Variants in KCNIP4 observed in about 807,000 individuals in gnomAD.
The protein encoded by KCNIP4 is Kv channel-interacting protein 4.
A neutral mutation model predicts 34.0 loss-of-function variants in KCNIP4; 12 were observed. The ratio of observed to expected loss-of-function variants is 0.35; its 90% CI spans 0.23 to 0.57. The LOEUF (loss-of-function observed/expected upper bound fraction) is 0.57, where lower values mean the gene tolerates loss of function less well. Among genes scored for constraint, KCNIP4 ranks in the 20% least tolerant of loss-of-function variants. The pLI is 0.83. For missense variants in KCNIP4, 238 were observed against 311.7 expected (o/e 0.76, Z 1.78); for synonymous variants, 124 against 102.2 (o/e 1.21, Z -1.29).
chr4:21,423,363 C>T (rs937546386), intron 1 of KCNIP4, among the ~76,000 whole-genome samples: 3 of 152,186 alleles, frequency 2.0e-5, no homozygotes, highest in Non-Finnish European at 4.4e-5. Flanking sequence ...CAAGCGAGAA[C>T]GTGAGTTCAC....
intron 3 of KCNIP4, among the ~76,000 whole-genome samples, chr4:20,798,096 C>CTTTTTTTTTTTTTTTTTTTTTTTTT: frequency 6.6e-6 from 1 of 152,196 alleles, no homozygotes; most frequent in East Asian, 1.9e-4. Context: ...ATATTTATTT[C>CTTTTTTTTTTTTTTTTTTTTTTTTT]TGAACACATT....
At chr4:21,515,512 G>C (rs184848006) in intron 1 of KCNIP4, among the ~76,000 whole-genome samples, 1 of 152,046 alleles carries the variant, frequency 6.6e-6, no homozygotes, top group Admixed American at 6.6e-5. Context: ...CGTTGCAGGC[G>C]CCTGTAGTCC....
intron 1 of KCNIP4, among the ~76,000 whole-genome samples, chr4:20,950,705 T>C (rs1054696154): frequency 1.3e-5 from 2 of 152,088 alleles, no homozygotes; most frequent in Non-Finnish European, 2.9e-5. Flanking sequence ...AATGAGATTA[T>C]AGCCTCTGAA....
intron 1 of KCNIP4, among the ~76,000 whole-genome samples, chr4:21,133,025 A>T (rs1751202860): frequency 6.6e-6 from 1 of 152,044 alleles, no homozygotes; most frequent in South Asian, 2.1e-4. Flanking sequence ...AAAAAAAAAA[A>T]AAATGTTTTG....
intron 3 of KCNIP4, among the ~76,000 whole-genome samples, chr4:20,805,298 A>C (rs1435014445): frequency 6.8e-6 from 1 of 147,284 alleles, no homozygotes; most frequent in East Asian, 2.0e-4. Flanking sequence ...GGATTCCCAA[A>C]GTGCTAGTAT....
At chr4:20,768,291 AT>A (rs1486029846) in intron 3 of KCNIP4, among the ~76,000 whole-genome samples, 2 of 152,168 alleles carry the variant, frequency 1.3e-5, no homozygotes, top group Non-Finnish European at 2.9e-5. Flanking sequence ...TTGGGCCTAC[AT>A]TTTTAGAACT....
chr4:21,315,423 T>C (rs1713633722), intron 1 of KCNIP4: 1 of 152,284 alleles, frequency 6.6e-6, no homozygotes. Context: ...ATATAATACA[T>C]ATACAACGCA....
chr4:21,433,362 G>A (rs73105809), intron 1 of KCNIP4, among the ~76,000 whole-genome samples: 3,339 of 152,234 alleles, frequency 0.022, 112 homozygotes, highest in African/African-American at 0.075. Flanking sequence ...AGAACTTTAG[G>A]AGGCCAAGGT....
In KCNIP4 at chr4:21,373,725, G is replaced by A. The variant is rs189207735; in HGVS notation, c.62-491016C>T. Among the ~76,000 whole-genome samples the A allele has an allele frequency of 1.2e-3, 179 of 146,942 alleles. 24 individuals carry two copies. Among genetic ancestry groups the A allele is most frequent in the African/African-American group, 4.6e-3 (169 of 36,714 alleles). ...TTATTTATTTATTTATTTATTTTGT[G>A]ATGGAGTTTCACTCTTGTTGCTCAT... On this transcript the variant is annotated intron_variant, in intron 1 of 8. Coordinates refer to ENST00000382152, the MANE Select transcript of KCNIP4 (RefSeq NM_025221.6).
intron 1 of KCNIP4, among the ~76,000 whole-genome samples, chr4:20,971,551 A>G (rs1734953977): frequency 6.6e-6 from 1 of 152,164 alleles, no homozygotes; most frequent in African/African-American, 2.4e-5. Flanking sequence ...CAATAGCATT[A>G]TGTCTAAAAA....
chr4:20,789,007 A>T (rs569842711), intron 3 of KCNIP4, among the ~76,000 whole-genome samples: 19 of 152,230 alleles, frequency 1.2e-4, no homozygotes, highest in African/African-American at 4.3e-4. Context: ...TCATTTCCAC[A>T]TTAAATTCTC....
chr4:21,890,351 T>C (rs1452763679), intron 1 of KCNIP4, among the ~76,000 whole-genome samples: 1 of 152,170 alleles, frequency 6.6e-6, no homozygotes, highest in East Asian at 1.9e-4. Context: ...TTCTGGAATA[T>C]GCTCTAACTC....
rs1299027602 is a variant in KCNIP4 at position 21,189,757 on chromosome 4, AATTAC to A, written c.62-307053_62-307049del. ...ATGACCATAGAAATTACATTTTAGT[AATTAC>A]TCAGATTTATAAAATCATTTTTCAA... On this transcript the variant is annotated intron_variant, in intron 1 of 8. Transcript: ENST00000382152. 9.2e-5 allele frequency among the ~76,000 whole-genome samples: 14 copies of A among 152,350 alleles called. No individual in the cohort carries two copies. In the South Asian group the frequency reaches 2.5e-3, roughly 27 times the overall value.
intron 1 of KCNIP4, among the ~76,000 whole-genome samples, chr4:21,796,752 C>T (rs1234965728): frequency 6.6e-6 from 1 of 152,130 alleles, no homozygotes; most frequent in African/African-American, 2.4e-5. Context: ...GAATAATAAA[C>T]ATTCAGGATG....
At chr4:21,185,004 C>G (rs1046842270) in intron 1 of KCNIP4, among the ~76,000 whole-genome samples, 2 of 152,000 alleles carry the variant, frequency 1.3e-5, no homozygotes, top group East Asian at 3.9e-4. Flanking sequence ...TAAGCACATC[C>G]GAACAGGACA....
intron 3 of KCNIP4, among the ~76,000 whole-genome samples, chr4:20,784,395 A>C (rs1711637898): frequency 6.6e-6 from 1 of 152,206 alleles, no homozygotes; most frequent in Non-Finnish European, 1.5e-5. Flanking sequence ...CTATGAAGAC[A>C]AAAATTACAA....
chr4:21,497,763 TCTAC>T (rs1249307592), intron 1 of KCNIP4, among the ~76,000 whole-genome samples: 1 of 152,120 alleles, frequency 6.6e-6, no homozygotes, highest in East Asian at 1.9e-4. Flanking sequence ...AATTCATAAT[TCTAC>T]TTATATAAAT....
chr4:20,989,078 A>G (rs758924177), intron 1 of KCNIP4, among the ~76,000 whole-genome samples: 1 of 152,144 alleles, frequency 6.6e-6, no homozygotes, highest in Non-Finnish European at 1.5e-5. Flanking sequence ...CTTTGTTAGG[A>G]TGATTATATA....
chr4:21,478,187 C>A (rs1731145990), intron 1 of KCNIP4, among the ~76,000 whole-genome samples: 2 of 152,130 alleles, frequency 1.3e-5, no homozygotes, highest in East Asian at 3.9e-4. Context: ...CAATGTTGAA[C>A]CATTTCAAAT....
Sources: allele counts gnomAD v4.1 joint callset (sites outside exome capture counted in the v4.1 genomes callset), GRCh38; gene constraint gnomAD v4.1.1; transcripts MANE v1.5; gene names NCBI Gene and HGNC (gene_info 2026-07-23, HGNC 2026-07-21).